CCNYL1: variants seen among roughly 807,000 people sequenced by gnomAD.
CCNYL1 encodes the protein cyclin-Y-like protein 1.
A neutral mutation model predicts 44.2 loss-of-function variants in CCNYL1; 16 were observed. The observed-to-expected ratio is 0.36, with a 90% confidence interval of 0.25 to 0.55. CCNYL1 has a LOEUF of 0.55. CCNYL1 is among the 20% of genes least tolerant of loss of function. The pLI, the probability that CCNYL1 is intolerant of heterozygous loss-of-function variation, is 0.85. For synonymous variants in CCNYL1, 159 were observed against 163.2 expected (o/e 0.97, Z 0.20); for missense variants, 348 against 451.8 (o/e 0.77, Z 2.08).
intron 4 of CCNYL1, among the ~76,000 whole-genome samples, chr2:207,736,033 T>G (rs952685412): frequency 1.2e-4 from 19 of 152,210 alleles, no homozygotes; most frequent in Admixed American, 1.2e-3. Context: ...ACTGCTTAAT[T>G]GAATGTAGGA....
At chr2:207,713,712 T>A (rs755445504) in intron 1 of CCNYL1, among the ~76,000 whole-genome samples, 1 of 152,214 alleles carries the variant, frequency 6.6e-6, no homozygotes, top group Non-Finnish European at 1.5e-5. Context: ...TTAATTTCTT[T>A]AAAATAATAA....
chr2:207,732,880 T>C (rs4517958), intron 3 of CCNYL1, among the ~76,000 whole-genome samples: 23,485 of 152,184 alleles, frequency 0.15, 3,008 homozygotes, highest in East Asian at 0.38. Context: ...CCTTCCAAAT[T>C]GTAACTGATT....
rs1174661884 is a variant in CCNYL1 at position 207,754,259 on chromosome 2, C to T, written c.*561C>T. On this transcript the variant is annotated 3_prime_UTR_variant, in exon 10 of 10. Coordinates refer to ENST00000295414, the MANE Select transcript of CCNYL1 (RefSeq NM_001330218.2). Reference sequence around the variant, plus strand: ...GCTAGTCATTGGCAATCATTTTAAACCAAAAAGCTGCTGGATAACATTTGT... The same window carrying T: ...GCTAGTCATTGGCAATCATTTTAAATCAAAAAGCTGCTGGATAACATTTGT... The T allele has an allele frequency of 6.6e-6, 1 of 152,600 alleles. No individual in the cohort carries two copies. Among genetic ancestry groups the T allele is most frequent in the African/African-American group, 2.4e-5 (1 of 41,418 alleles). 9.5% of individuals were successfully genotyped at this position (152,600 alleles called of 1,614,324 possible). A position where few individuals can be genotyped will look rare whatever the true frequency, so the allele number is the denominator to read the frequency against.
chr2:207,718,106 G>A (rs1273938009), intron 1 of CCNYL1, among the ~76,000 whole-genome samples: 2 of 151,828 alleles, frequency 1.3e-5, no homozygotes, highest in African/African-American at 2.4e-5. Flanking sequence ...GGGTTTCTCC[G>A]TGTTAGCCAG....
In CCNYL1 at chr2:207,724,799, G is replaced by A. The variant is rs1210369052; in HGVS notation, c.221-1G>A. 1.9e-6 allele frequency: 3 copies of A among 1,611,576 alleles called. No homozygotes were observed. Among genetic ancestry groups the A allele is most frequent in the Non-Finnish European group, 2.5e-6 (3 of 1,178,316 alleles). On this transcript the variant is annotated splice_acceptor_variant, in intron 1 of 9. Transcript: ENST00000295414. LOFTEE classifies it high-confidence loss of function. ...CACGTCTTTTTCCTCCTCTTCTATA[G>A]ATTTAGCTTTGGAGTCAAACCCTTC...
At chr2:207,750,927 GCTGGTT>G (rs1298482323) in intron 8 of CCNYL1, 24 bp from the exon 9 acceptor site, 1 of 1,605,908 alleles carries the variant, frequency 6.2e-7, no homozygotes. Flanking sequence ...ATTGTCCTGT[GCTGGTT>G]CTGTTGTGTT....
In CCNYL1 at chr2:207,724,918, CTG is replaced by C. The variant is rs747737330; in HGVS notation, c.295+46_295+47del. On this transcript the variant is annotated intron_variant, in intron 2 of 9. Coordinates refer to ENST00000295414, the MANE Select transcript of CCNYL1 (RefSeq NM_001330218.2). ...TTCCTTCCAAGGAAAAGACTGAAAA[CTG>C]TTTCTATTTTATTGGATGTATTATA... 57 of 1,450,302 alleles carry C rather than the reference CTG, an allele frequency of 3.9e-5. No homozygotes were observed. In the South Asian group the frequency reaches 6.8e-4, roughly 17 times the overall value. 89.8% of individuals were successfully genotyped at this position (1,450,302 alleles called of 1,614,324 possible). A position where few individuals can be genotyped will look rare whatever the true frequency, so the allele number is the denominator to read the frequency against.
chr2:207,726,736 A>G (rs1049012153), intron 2 of CCNYL1, 106 bp from the exon 3 acceptor site: 4 of 695,932 alleles, frequency 5.7e-6, no homozygotes, highest in Non-Finnish European at 9.6e-6. Context: ...TATTTTTTAA[A>G]TGGAATTTTA....
At chr2:207,717,374 CAG>C (rs1417000870) in intron 1 of CCNYL1, among the ~76,000 whole-genome samples, 3 of 152,202 alleles carry the variant, frequency 2.0e-5, no homozygotes, top group Admixed American at 1.3e-4. Flanking sequence ...TGTGCTGAAA[CAG>C]ATGTTTATTG....
chr2:207,746,720 C>G (rs535658290), intron 7 of CCNYL1, among the ~76,000 whole-genome samples: 1 of 152,338 alleles, frequency 6.6e-6, no homozygotes, highest in South Asian at 2.1e-4. Flanking sequence ...TGGCTTACGC[C>G]TGTAATCCCA....
At chr2:207,720,656 C>T (rs1199286202) in intron 1 of CCNYL1, among the ~76,000 whole-genome samples, 1 of 152,080 alleles carries the variant, frequency 6.6e-6, no homozygotes, top group African/African-American at 2.4e-5. Context: ...CTCAAGTGAT[C>T]CTTCTGCCTC....
chr2:207,750,888 T>TA, intron 8 of CCNYL1, 69 bp from the exon 9 acceptor site: 1 of 1,363,602 alleles, frequency 7.3e-7, no homozygotes, highest in Non-Finnish European at 1.0e-6. Context: ...CTTAGAATGA[T>TA]ATTTTTGAAG....
At chr2:207,737,373 A>T in intron 4 of CCNYL1, 38 bp from the exon 5 acceptor site, 1 of 1,512,842 alleles carries the variant, frequency 6.6e-7, no homozygotes, top group African/African-American at 1.4e-5. Context: ...CAAATGTTTA[A>T]ATCAGTTGTT....
In CCNYL1 at chr2:207,742,310, C is replaced by T; in HGVS notation, c.607C>T (p.Gln203Ter). The stretch of plus-strand genomic sequence containing the variant: ...TGTTCGTACTCTTTTTAGTGCTGCA[C>T]AGCTAACAGCTGAATGTGCAATAGT... ...RFVRTLFSAA[Q>*]LTAECAIVTL... The change falls in exon 7 of 10, where the codon CAG (glutamine) becomes TAG (stop). Residue 203 changes from glutamine (Q) to a stop codon, truncating the protein, a stop_gained. Transcript: ENST00000295414. LOFTEE classifies it high-confidence loss of function. 1 of 1,612,178 alleles carries T rather than the reference C, an allele frequency of 6.2e-7. No homozygotes were observed. The highest frequency in any genetic ancestry group is 2.2e-5 in the East Asian group (1 of 44,852).
chr2:207,729,809 G>T (rs1383432968), intron 3 of CCNYL1, among the ~76,000 whole-genome samples: 1 of 151,914 alleles, frequency 6.6e-6, no homozygotes, highest in Non-Finnish European at 1.5e-5. Flanking sequence ...TCTTCCTCCC[G>T]AGTTCAAGTG....
At chr2:207,737,937 TTATA>T (rs546963820) in intron 5 of CCNYL1, among the ~76,000 whole-genome samples, 1 of 152,180 alleles carries the variant, frequency 6.6e-6, no homozygotes, top group African/African-American at 2.4e-5. Flanking sequence ...TGTCATGTAT[TTATA>T]TATATACAAC....
At chr2:207,750,787 C>T (rs1427559644) in intron 8 of CCNYL1, 170 bp from the exon 9 acceptor site, 2 of 565,016 alleles carry the variant, frequency 3.5e-6, no homozygotes, top group Non-Finnish European at 6.0e-6. Flanking sequence ...GCAGAAGGGA[C>T]CACAAGTAAC....
At chr2:207,728,849 T>G (rs143999256) in intron 3 of CCNYL1, among the ~76,000 whole-genome samples, 19,591 of 152,000 alleles carry the variant, frequency 0.13, 2,199 homozygotes, top group East Asian at 0.38. Context: ...CAGGCTTGAG[T>G]GCAGTGGCGT....
At chr2:207,723,603 C>T (rs1029248447) in intron 1 of CCNYL1, among the ~76,000 whole-genome samples, 2 of 151,896 alleles carry the variant, frequency 1.3e-5, no homozygotes, top group African/African-American at 4.8e-5. Flanking sequence ...GGGCTGGGCG[C>T]GGTGACTCAC....
Sources: allele counts gnomAD v4.1 joint callset (sites outside exome capture counted in the v4.1 genomes callset), GRCh38; gene constraint gnomAD v4.1.1; transcripts MANE v1.5; gene names NCBI Gene and HGNC (gene_info 2026-07-23, HGNC 2026-07-21).